The following CADPS variants were observed in gnomAD, a reference collection of about 807,000 sequenced individuals.
CADPS encodes the protein calcium dependent secretion activator.
In CADPS, 57 loss-of-function variants were observed where a neutral mutation model predicts 167.3. The observed-to-expected ratio is 0.34, with a 90% CI of 0.28 to 0.42. The LOEUF is 0.42. CADPS is among the 20% of genes least tolerant of loss of function. The pLI is 1.00. For synonymous variants in CADPS, 676 were observed against 635.3 expected (o/e 1.06, Z -0.96); for missense variants, 1,414 against 1,738.1 (o/e 0.81, Z 3.32).
At chr3:62,596,844 AT>A (rs1191725816) in intron 6 of CADPS, among the ~76,000 whole-genome samples, 1 of 152,204 alleles carries the variant, frequency 6.6e-6, no homozygotes, top group Non-Finnish European at 1.5e-5. Context: ...AGCTATTATC[AT>A]TGCCATTTCA....
rs781041839 is a variant in CADPS, at chr3:62,611,289, C to T, written c.1326-18541G>A. Among the ~76,000 whole-genome samples, 10 of 152,132 alleles carry T rather than the reference C, an allele frequency of 6.6e-5. 1 individual carries two copies. Among genetic ancestry groups the T allele is most frequent in the Non-Finnish European group, 1.0e-4 (7 of 68,030 alleles). On this transcript the variant is annotated intron_variant, in intron 6 of 29. Transcript: ENST00000383710. ...AGGACTCCGTTTTGTTGCCTACATC[C>T]CACACCTAATGCCTCAGCAAACCTG...
intron 13 of CADPS, among the ~76,000 whole-genome samples, chr3:62,525,709 G>T (rs1440554736): frequency 6.6e-6 from 1 of 152,004 alleles, no homozygotes; most frequent in Non-Finnish European, 1.5e-5. Context: ...GTGTGTATGT[G>T]TGTGTGTCTG....
intron 28 of CADPS, chr3:62,403,886 G>A (rs1707355957): frequency 6.6e-6 from 1 of 152,174 alleles, no homozygotes; most frequent in Non-Finnish European, 1.5e-5. Context: ...CTCATTTCAA[G>A]CTGTTGAAAT....
intron 1 of CADPS, among the ~76,000 whole-genome samples, chr3:62,773,411 G>A (rs192166951): frequency 6.1e-4 from 92 of 151,992 alleles, no homozygotes; most frequent in Non-Finnish European, 1.1e-3. Flanking sequence ...ACTTTATCAC[G>A]GCAAAATATA....
intron 6 of CADPS, among the ~76,000 whole-genome samples, chr3:62,617,319 G>A (rs1380836853): frequency 5.9e-5 from 9 of 152,144 alleles, no homozygotes; most frequent in African/African-American, 2.2e-4. Context: ...TGGGGGTAAG[G>A]GGCAGCTGGA....
chr3:62,716,460 T>G (rs1415305492), intron 3 of CADPS, among the ~76,000 whole-genome samples: 3 of 152,208 alleles, frequency 2.0e-5, no homozygotes, highest in African/African-American at 7.2e-5. Context: ...GGTTTTGTTT[T>G]TAAAAATGTA....
intron 1 of CADPS, among the ~76,000 whole-genome samples, chr3:62,800,774 G>GT (rs2093712052): frequency 6.6e-6 from 1 of 151,998 alleles, no homozygotes; most frequent in African/African-American, 2.4e-5. Flanking sequence ...TAGTTAAATG[G>GT]TTTGGAATAA....
chr3:62,645,828 C>G lies in CADPS; in HGVS notation c.1219G>C (p.Val407Leu), dbSNP rs776799903. 1.9e-6 allele frequency: 3 copies of G among 1,613,942 alleles called. No individual in the cohort carries two copies. In the East Asian group the frequency reaches 6.7e-5, roughly 36 times the overall value. The change falls in exon 6 of 30, where the codon GTC becomes CTC. Residue 407 changes from valine to leucine, a missense_variant. Transcript: ENST00000383710. ...SFSLEVVIME[V>L]QGLKSLAPNR... is the part of the protein sequence containing the mutation. ...GGAGCCAAAGATTTGAGGCCTTGGA[C>G]TTCCATAATTACCACCTGAAAAGAG...
chr3:62,716,641 G>A (rs768570847), intron 3 of CADPS, among the ~76,000 whole-genome samples: 29 of 152,116 alleles, frequency 1.9e-4, no homozygotes, highest in African/African-American at 7.0e-4. Flanking sequence ...AAAAATGACA[G>A]AATTGGGACA....
chr3:62,407,965 C>T (rs111982527), intron 28 of CADPS, among the ~76,000 whole-genome samples: 1,749 of 152,270 alleles, frequency 0.011, 17 homozygotes, highest in Non-Finnish European at 0.02. Flanking sequence ...GAACCCCTGA[C>T]CTCAGGTGAT....
chr3:62,596,148 C>T (rs144933794), intron 6 of CADPS, among the ~76,000 whole-genome samples: 1 of 142,444 alleles, frequency 7.0e-6, no homozygotes, highest in South Asian at 2.3e-4. Flanking sequence ...CACACATATC[C>T]TATTAGTTTT....
At chr3:62,591,474 T>G (rs1399972269) in intron 7 of CADPS, among the ~76,000 whole-genome samples, 1 of 152,108 alleles carries the variant, frequency 6.6e-6, no homozygotes, top group African/African-American at 2.4e-5. Flanking sequence ...GAAAGTCCCC[T>G]GAGGAGGGAG....
chr3:62,804,991 A>C (rs1559705433), intron 1 of CADPS, among the ~76,000 whole-genome samples: 2 of 152,166 alleles, frequency 1.3e-5, no homozygotes, highest in South Asian at 4.1e-4. Flanking sequence ...CACAGAGATG[A>C]AATCAGTACA....
At chr3:62,742,590 T>G (rs1209843473) in intron 3 of CADPS, among the ~76,000 whole-genome samples, 1 of 152,200 alleles carries the variant, frequency 6.6e-6, no homozygotes, top group African/African-American at 2.4e-5. Context: ...AGATTGAAAC[T>G]GGACACCTTC....
At chr3:62,512,860 C>G in intron 16 of CADPS, 92 bp from the exon 17 acceptor site, 1 of 1,069,938 alleles carries the variant, frequency 9.3e-7, no homozygotes, top group Admixed American at 2.1e-5. Flanking sequence ...AAATGCCCCC[C>G]ACTTATGTGT....
chr3:62,492,430 G>T lies in CADPS; in HGVS notation c.2744C>A (p.Ser915Ter), dbSNP rs1330190217. ...CTCCGCATGCTCCACCATTAAATCT[G>T]ACCACCACGCAAAGGCCTTTAAAAT... ...VDKGEAFAWW[S>*]DLMVEHAETF... Residue 915 changes from serine (S) to a stop codon, truncating the protein, a stop_gained, in exon 20 of 30, where the codon TCA becomes TAA. Transcript: ENST00000383710. LOFTEE classifies it high-confidence loss of function. 1 of 1,613,638 alleles carries T rather than the reference G, an allele frequency of 6.2e-7. No individual in the cohort carries two copies. The highest frequency in any genetic ancestry group is 8.5e-7 in the Non-Finnish European group (1 of 1,179,748).
At chr3:62,681,601 G>A (rs1378259379) in intron 3 of CADPS, among the ~76,000 whole-genome samples, 1 of 152,016 alleles carries the variant, frequency 6.6e-6, no homozygotes. Flanking sequence ...AACTATAGCT[G>A]GCTTCTCTCC....
intron 6 of CADPS, among the ~76,000 whole-genome samples, chr3:62,594,260 C>T (rs2148862402): frequency 6.7e-6 from 1 of 149,078 alleles, no homozygotes; most frequent in African/African-American, 2.4e-5. Flanking sequence ...CTCCCGGGTT[C>T]ACGCCATTCT....
At chr3:62,575,789 G>T (rs1326984156) in intron 8 of CADPS, among the ~76,000 whole-genome samples, 1 of 152,156 alleles carries the variant, frequency 6.6e-6, no homozygotes, top group South Asian at 2.1e-4. Flanking sequence ...GAACAGAGGG[G>T]ATTTCTGGTT....
Sources: allele counts gnomAD v4.1 joint callset (sites outside exome capture counted in the v4.1 genomes callset), GRCh38; gene constraint gnomAD v4.1.1; transcripts MANE v1.5; gene names NCBI Gene and HGNC (gene_info 2026-07-23, HGNC 2026-07-21).